LRRN2: variants seen among roughly 807,000 people sequenced by gnomAD.
LRRN2 encodes the protein leucine-rich repeat neuronal protein 2.
A neutral mutation model predicts 35.7 loss-of-function variants in LRRN2; 10 were observed. The observed-to-expected ratio is 0.28, with a 90% CI of 0.17 to 0.47. The LOEUF (loss-of-function observed/expected upper bound fraction) is 0.47, where lower values mean the gene tolerates loss of function less well. Ranked by LOEUF, LRRN2 falls within the 20% of genes least tolerant of loss-of-function variation. The pLI, the probability that LRRN2 is intolerant of heterozygous loss-of-function variation, is 0.99. For synonymous variants in LRRN2, 391 were observed against 409.6 expected, an observed-to-expected ratio of 0.95 and a Z score of 0.55; for missense variants, 731 against 940.3, an observed-to-expected ratio of 0.78 and a Z score of 2.91.
chr1:204,685,227 C>T lies in LRRN2; in HGVS notation c.-227+93G>A, dbSNP rs1476930009. The T allele has an allele frequency of 2.0e-5, 3 of 152,500 alleles. No homozygotes were observed. The East Asian group carries it at 5.8e-4, about 29-fold the overall frequency. 9.4% of individuals were successfully genotyped at this position (152,500 alleles called of 1,614,324 possible). On this transcript the variant is annotated intron_variant, in intron 1 of 1. Coordinates refer to ENST00000367177, the MANE Select transcript of LRRN2 (RefSeq NM_201630.2). ...AGGCGGCTGCTCCGGCCGCTCCCGC[C>T]GCGTACGCCTCGGCCACGCCAGCGA... is the stretch of plus-strand genomic sequence containing the variant.
Position 204,617,182 on chromosome 1 carries a change from C to T in LRRN2, c.*669G>A, listed in dbSNP as rs1205437048. On this transcript the variant is annotated 3_prime_UTR_variant, in exon 2 of 2. Transcript: ENST00000367177. ...AATACTCAGAGGATTATTTTCCTTTCGTTCCTTTCCCCCGTATTATTGTTA... is the reference window on the plus strand; with the variant it reads ...AATACTCAGAGGATTATTTTCCTTTTGTTCCTTTCCCCCGTATTATTGTTA... 1 of 152,480 alleles carries T rather than the reference C, an allele frequency of 6.6e-6. No individual in the cohort carries two copies. Among genetic ancestry groups the T allele is most frequent in the African/African-American group, 2.4e-5 (1 of 41,458 alleles). 9.4% of individuals were successfully genotyped at this position (152,480 alleles called of 1,614,324 possible). A position where few individuals can be genotyped will look rare whatever the true frequency, so the allele number is the denominator to read the frequency against.
chr1:204,652,263 C>CCCCGCCCCCCCG (rs1335264704), intron 1 of LRRN2, among the ~76,000 whole-genome samples: 2 of 73,422 alleles, frequency 2.7e-5, no homozygotes, highest in East Asian at 1.0e-3. Context: ...CTTCACCGCC[C>CCCCGCCCCCCCG]CCCCCCCGCC....
chr1:204,629,934 G>T (rs567071074), intron 1 of LRRN2, among the ~76,000 whole-genome samples: 19 of 152,272 alleles, frequency 1.2e-4, no homozygotes, highest in Non-Finnish European at 2.4e-4. Context: ...TATAGGACCA[G>T]CAGACACTGT....
At chr1:204,684,603 G>A (rs563153172) in intron 1 of LRRN2, among the ~76,000 whole-genome samples, 23 of 152,258 alleles carry the variant, frequency 1.5e-4, no homozygotes, top group African/African-American at 5.1e-4. Context: ...GCCCACCTGT[G>A]GCTGGCCAGC....
rs1666757133 is a variant in LRRN2, at chr1:204,620,027, A to G, written c.-35T>C. The G allele has an allele frequency of 1.3e-6, 2 of 1,578,474 alleles. No individual in the cohort carries two copies. Among genetic ancestry groups the G allele is most frequent in the Non-Finnish European group, 1.7e-6 (2 of 1,163,286 alleles). On this transcript the variant is annotated 5_prime_UTR_variant, in exon 2 of 2. Transcript: ENST00000367177. ...GCAGGGCAGGGGACCATTCACAAGA[A>G]GAGTCTGGAGTCCTGCTCTTTGTGT...
At chr1:204,675,302 G>A (rs2102242778) in intron 1 of LRRN2, among the ~76,000 whole-genome samples, 1 of 152,306 alleles carries the variant, frequency 6.6e-6, no homozygotes. Context: ...GTGAGCAAAG[G>A]ACCACAAACT....
chr1:204,634,726 AC>A (rs762391817), intron 1 of LRRN2, among the ~76,000 whole-genome samples: 7 of 152,182 alleles, frequency 4.6e-5, no homozygotes, highest in African/African-American at 7.2e-5. Flanking sequence ...CCCTGCCGAC[AC>A]CTTGATTTTG....
At position 204,618,937 on chromosome 1, in the gene LRRN2, C is replaced by T. The variant is rs1165143135; in HGVS notation, c.1056G>A (p.Gln352=). Residue 352 remains glutamine (Q), a synonymous_variant, in exon 2 of 2, where the codon CAG becomes CAA. Transcript: ENST00000367177. ...LNNNALSALH[Q]QTVESLPNLQ... ...GGTTGGGCAGGGACTCCACCGTCTG[C>T]TGGTGCAAGGCACTGAGAGCGTTGT... 4.3e-6 allele frequency: 7 copies of T among 1,614,018 alleles called. No individual in the cohort carries two copies. The South Asian group carries it at 5.5e-5, about 13-fold the overall frequency.
intron 1 of LRRN2, chr1:204,629,793 T>C (rs1429395482): frequency 6.5e-6 from 1 of 152,826 alleles, no homozygotes; most frequent in Non-Finnish European, 1.5e-5. Context: ...CAAAAGAACA[T>C]GGCCTTTGCA....
intron 1 of LRRN2, among the ~76,000 whole-genome samples, chr1:204,644,680 G>T (rs971589658): frequency 9.2e-5 from 14 of 152,198 alleles, no homozygotes; most frequent in African/African-American, 3.4e-4. Flanking sequence ...AAGTCCATCT[G>T]CCTCCCCAGA....
intron 1 of LRRN2, among the ~76,000 whole-genome samples, chr1:204,664,789 C>A (rs1441027216): frequency 6.6e-6 from 1 of 152,180 alleles, no homozygotes; most frequent in Non-Finnish European, 1.5e-5. Flanking sequence ...AAGTCCCTCC[C>A]CGTCTTCTGC....
At chr1:204,655,503 C>T (rs1187228619) in intron 1 of LRRN2, among the ~76,000 whole-genome samples, 1 of 152,010 alleles carries the variant, frequency 6.6e-6, no homozygotes, top group Non-Finnish European at 1.5e-5. Flanking sequence ...TACTTATTTC[C>T]CAGGCTGATC....
intron 1 of LRRN2, among the ~76,000 whole-genome samples, chr1:204,671,145 CAGGT>C (rs1285845296): frequency 6.6e-6 from 1 of 151,924 alleles, no homozygotes; most frequent in Non-Finnish European, 1.5e-5. Context: ...GGCCCAGAGG[CAGGT>C]AGTTTGGGGG....
At chr1:204,667,743 A>G (rs532960966) in intron 1 of LRRN2, among the ~76,000 whole-genome samples, 1 of 152,274 alleles carries the variant, frequency 6.6e-6, no homozygotes, top group African/African-American at 2.4e-5. Flanking sequence ...GTCAGCCAGG[A>G]GAGGAGACTA....
At chr1:204,637,645 CGTGTGT>C (rs67761829) in intron 1 of LRRN2, among the ~76,000 whole-genome samples, 5,321 of 129,972 alleles carry the variant, frequency 0.041, 200 homozygotes, top group African/African-American at 0.1. Context: ...CAGCACGTGA[CGTGTGT>C]GTGTGTGTGT....
intron 1 of LRRN2, among the ~76,000 whole-genome samples, chr1:204,649,870 C>T (rs562154405): frequency 3.4e-4 from 51 of 152,200 alleles, no homozygotes; most frequent in African/African-American, 1.2e-3. Flanking sequence ...GGCAACCTGG[C>T]GTGAAGAAGG....
At chr1:204,662,531 T>C (rs529110799) in intron 1 of LRRN2, among the ~76,000 whole-genome samples, 1 of 152,330 alleles carries the variant, frequency 6.6e-6, no homozygotes, top group African/African-American at 2.4e-5. Flanking sequence ...GATCTTTTCA[T>C]GTTCCCTGCT....
intron 1 of LRRN2, among the ~76,000 whole-genome samples, chr1:204,648,815 T>C (rs11240241): frequency 0.61 from 92,364 of 152,050 alleles, 28,465 homozygotes; most frequent in East Asian, 0.87. Flanking sequence ...CCCCAACCCT[T>C]AAGGTGGTGA....
intron 1 of LRRN2, among the ~76,000 whole-genome samples, chr1:204,670,371 G>A (rs909185063): frequency 3.9e-5 from 6 of 152,228 alleles, no homozygotes; most frequent in South Asian, 4.1e-4. Flanking sequence ...TGAGAAGGCA[G>A]TGGGAGATGT....
Sources: gnomAD v4.1 joint callset for allele counts (sites outside exome capture counted in the v4.1 genomes callset) on GRCh38, gnomAD v4.1.1 for gene constraint, MANE v1.5 for transcripts, NCBI Gene and HGNC (gene_info 2026-07-23, HGNC 2026-07-21) for gene names.